Variants in OR6M1 observed in about 807,000 individuals in gnomAD.
OR6M1 encodes the protein olfactory receptor family 6 subfamily M member 1.
For synonymous variants in OR6M1, 167 were observed against 146.3 expected (o/e 1.14, Z -1.02); for missense variants, 364 against 377.8 (o/e 0.96, Z 0.30).
chr11:123,806,301 C>G lies in OR6M1; in HGVS notation c.49G>C (p.Ala17Pro), dbSNP rs1324717909. 1 of 1,613,068 alleles carries G rather than the reference C, an allele frequency of 6.2e-7. No homozygotes were observed. Among genetic ancestry groups the G allele is most frequent in the Non-Finnish European group, 8.5e-7 (1 of 1,179,826 alleles). ...VTEITLIAFP[A>P]LLEIRISLFV... ...AGAGATATTCGAATCTCCAGGAGAG[C>G]TGGGAAGGCAATTAGGGTGATTTCA... The change falls in exon 1 of 1, where the codon GCT becomes CCT. Residue 17 changes from alanine (A) to proline (P), a missense_variant. Coordinates refer to ENST00000309154, the MANE Select transcript of OR6M1 (RefSeq NM_001005325.1).
rs1185258192 is a variant in OR6M1 at position 123,806,153 on chromosome 11, A to G, written c.197T>C (p.Phe66Ser). The G allele has an allele frequency of 1.5e-5, 24 of 1,614,010 alleles. No individual in the cohort carries two copies. Among genetic ancestry groups the G allele is most frequent in the African/African-American group, 2.7e-5 (2 of 74,926 alleles). Reference sequence around the variant, plus strand: ...GACAGTGGTGTATAAGATATCCAGAAAGGACAAATTACTGAGGAAGAAGTA... The same window carrying G: ...GACAGTGGTGTATAAGATATCCAGAGAGGACAAATTACTGAGGAAGAAGTA... ...PMYFFLSNLS[F>S]LDILYTTVIT... The change falls in exon 1 of 1, where the codon TTT becomes TCT. Residue 66 changes from phenylalanine (F) to serine (S), a missense_variant. Coordinates refer to ENST00000309154, the MANE Select transcript of OR6M1 (RefSeq NM_001005325.1).
Position 123,805,444 on chromosome 11 carries a change from C to T in OR6M1, c.906G>A (p.Val302=). 6.2e-7 allele frequency: 1 copy of T among 1,612,882 alleles called. No homozygotes were observed. The highest frequency in any genetic ancestry group is 8.5e-7 in the Non-Finnish European group (1 of 1,179,458). Residue 302 remains valine, a synonymous_variant, in exon 1 of 1, where the codon GTG becomes GTA. Coordinates refer to ENST00000309154, the MANE Select transcript of OR6M1 (RefSeq NM_001005325.1). Reference sequence around the variant, plus strand: ...TTTGTATCAAGGTCATGATTCTGTTCACTGTCTCTCTCAACACTTCCTGTA... The same window carrying T: ...TTTGTATCAAGGTCATGATTCTGTTTACTGTCTCTCTCAACACTTCCTGTA... ...EKVQEVLRET[V]NRIMTLIQRK... is the part of the protein sequence containing the mutation.
Position 123,805,784 on chromosome 11 carries a change from G to A in OR6M1, c.566C>T (p.Thr189Ile), listed in dbSNP as rs201533833. The A allele has an allele frequency of 3.1e-6, 5 of 1,614,010 alleles. No homozygotes were observed. Among genetic ancestry groups the A allele is most frequent in the Non-Finnish European group, 4.2e-6 (5 of 1,179,932 alleles). ...APLLQVACINTHLIEKINFLL... is the reference protein window; with the variant it reads ...APLLQVACINIHLIEKINFLL... Reference sequence around the variant, plus strand: ...AAAGTTTATCTTCTCAATGAGGTGAGTATTTATACAGGCCACCTGAAGAAG... The same window carrying A: ...AAAGTTTATCTTCTCAATGAGGTGAATATTTATACAGGCCACCTGAAGAAG... Residue 189 changes from threonine to isoleucine, a missense_variant, in exon 1 of 1, where the codon ACT becomes ATT. Thr to Ile is a moderately conservative substitution (Grantham distance 89). Transcript: ENST00000309154.
At position 123,806,318 on chromosome 11, in the gene OR6M1, G is replaced by T; in HGVS notation, c.32C>A (p.Thr11Asn). The change falls in exon 1 of 1, where the codon ACC (threonine) becomes AAC (asparagine). Residue 11 changes from threonine (T) to asparagine (N), a missense_variant. Transcript: ENST00000309154. Reference sequence around the variant, plus strand: ...CAGGAGAGCTGGGAAGGCAATTAGGGTGATTTCAGTCACAGTGCTCCAGTT... The same window carrying T: ...CAGGAGAGCTGGGAAGGCAATTAGGTTGATTTCAGTCACAGTGCTCCAGTT... MGNWSTVTEI[T>N]LIAFPALLEI... is the part of the protein sequence containing the mutation. The T allele has an allele frequency of 6.2e-7, 1 of 1,611,592 alleles. No homozygotes were observed.
Position 123,805,537 on chromosome 11 carries a change from G to T in OR6M1, c.813C>A (p.Ala271=). 1 of 1,613,938 alleles carries T rather than the reference G, an allele frequency of 6.2e-7. No individual in the cohort carries two copies. The change falls in exon 1 of 1, where the codon GCC becomes GCA. Residue 271 remains alanine, a synonymous_variant. Transcript: ENST00000309154. ...GGGTCACCACTGTGATGAGGACAGC[G>T]GCCACCTTGTCATAATCCAGTGAGG... ...QNSSLDYDKV[A]AVLITVVTPL... is the part of the protein sequence containing the mutation.
Position 123,805,988 on chromosome 11 carries a change from T to C in OR6M1, c.362A>G (p.Tyr121Cys), listed in dbSNP as rs548580560. 12 of 1,613,940 alleles carry C rather than the reference T, an allele frequency of 7.4e-6. No homozygotes were observed. In the African/African-American group the frequency reaches 1.5e-4, roughly 20 times the overall value. ...GTGCAGTGGGTCGCAGATAGCCATG[T>C]AGCGGTCAAAGGACATCACCGCCAA... ...ILLAVMSFDRYMAICDPLHYT... is the reference protein window; with the variant it reads ...ILLAVMSFDRCMAICDPLHYT... The change falls in exon 1 of 1, where the codon TAC becomes TGC. Residue 121 changes from tyrosine (Y) to cysteine (C), a missense_variant. By Grantham distance (194) the Tyr-to-Cys change is radical. Coordinates refer to ENST00000309154, the MANE Select transcript of OR6M1 (RefSeq NM_001005325.1).
rs372384298 is a variant in OR6M1 at position 123,805,884 on chromosome 11, A to G, written c.466T>C (p.Phe156Leu). 1 of 1,613,990 alleles carries G rather than the reference A, an allele frequency of 6.2e-7. No homozygotes were observed. Among genetic ancestry groups the G allele is most frequent in the South Asian group, 1.1e-5 (1 of 91,060 alleles). ...CWVGAFLSVL[F>L]PTIVVTRLPY... The stretch of plus-strand genomic sequence containing the variant: ...AGCCTTGTCACTACAATGGTTGGAA[A>G]CAACACAGACAGGAAGGCTCCCACC... The change falls in exon 1 of 1, where the codon TTT becomes CTT. Residue 156 changes from phenylalanine to leucine, a missense_variant. By Grantham distance (22) the Phe-to-Leu change is conservative. Transcript: ENST00000309154.
Position 123,806,332 on chromosome 11 carries a change from A to C in OR6M1, c.18T>G (p.Thr6=). The C allele has an allele frequency of 6.2e-7, 1 of 1,608,350 alleles. No homozygotes were observed. The change falls in exon 1 of 1, where the codon ACT becomes ACG. Residue 6 remains threonine, a synonymous_variant. Transcript: ENST00000309154. ...AGGCAATTAGGGTGATTTCAGTCAC[A>C]GTGCTCCAGTTTCCCATGACAACTA... MGNWS[T]VTEITLIAFP... is the part of the protein sequence containing the mutation.
chr11:123,806,036 A>G lies in OR6M1; in HGVS notation c.314T>C (p.Leu105Pro). ...CAAGAGGATAAACTCCACCGTCCCC[A>G]GAAAGAAGTAGAAATATGTTTGGAT... ...CMIQTYFYFF[L>P]GTVEFILLAV... Residue 105 changes from leucine (L) to proline (P), a missense_variant, in exon 1 of 1, where the codon CTG becomes CCG. Coordinates refer to ENST00000309154, the MANE Select transcript of OR6M1 (RefSeq NM_001005325.1). The G allele has an allele frequency of 6.2e-7, 1 of 1,614,088 alleles. No individual in the cohort carries two copies. The highest frequency in any genetic ancestry group is 2.2e-5 in the East Asian group (1 of 44,868).
chr11:123,805,681 C>A lies in OR6M1; in HGVS notation c.669G>T (p.Leu223=). The A allele has an allele frequency of 6.2e-7, 1 of 1,613,918 alleles. No homozygotes were observed. Among genetic ancestry groups the A allele is most frequent in the South Asian group, 1.1e-5 (1 of 91,078 alleles). ...GACGGCCCTGGGTGGAGGGGATACGCAGGATGGTAGAAATTATGTACACGT... is the reference window on the plus strand; with the variant it reads ...GACGGCCCTGGGTGGAGGGGATACGAAGGATGGTAGAAATTATGTACACGT... ...GSYVYIISTI[L]RIPSTQGRQK... The change falls in exon 1 of 1, where the codon CTG becomes CTT. Residue 223 remains leucine, a synonymous_variant. Transcript: ENST00000309154.
At position 123,805,469 on chromosome 11, in the gene OR6M1, A is replaced by G. The variant is rs1445664731; in HGVS notation, c.881T>C (p.Val294Ala). ...PFIYSLRNEKVQEVLRETVNR... is the reference protein window; with the variant it reads ...PFIYSLRNEKAQEVLRETVNR... ...CACTGTCTCTCTCAACACTTCCTGTACCTTCTCATTCCTCAAGCTGTAGAT... is the reference window on the plus strand; with the variant it reads ...CACTGTCTCTCTCAACACTTCCTGTGCCTTCTCATTCCTCAAGCTGTAGAT... The change falls in exon 1 of 1, where the codon GTA becomes GCA. Residue 294 changes from valine (V) to alanine (A), a missense_variant. Physicochemically the swap from Val to Ala is moderately conservative, Grantham distance 64. Coordinates refer to ENST00000309154, the MANE Select transcript of OR6M1 (RefSeq NM_001005325.1). The G allele has an allele frequency of 1.2e-6, 2 of 1,613,878 alleles. No homozygotes were observed. The highest frequency in any genetic ancestry group is 1.7e-6 in the Non-Finnish European group (2 of 1,179,942).
In OR6M1 at chr11:123,806,261, A is replaced by G. The variant is rs1418467316; in HGVS notation, c.89T>C (p.Val30Ala). The change falls in exon 1 of 1, where the codon GTG (valine) becomes GCG (alanine). Residue 30 changes from valine to alanine, a missense_variant. Transcript: ENST00000309154. The stretch of plus-strand genomic sequence containing the variant: ...TGTTGCTGTTAATGTGTAAGTTACC[A>G]CAAGAACCACGAAGAGAGATATTCG... ...EIRISLFVVL[V>A]VTYTLTATGN... The G allele has an allele frequency of 6.2e-7, 1 of 1,614,058 alleles. No individual in the cohort carries two copies. Among genetic ancestry groups the G allele is most frequent in the East Asian group, 2.2e-5 (1 of 44,880 alleles).
In OR6M1 at chr11:123,806,082, T is replaced by C. The variant is rs199501851; in HGVS notation, c.268A>G (p.Ile90Val). The C allele has an allele frequency of 1.9e-5, 31 of 1,614,026 alleles. 1 individual carries two copies. Among genetic ancestry groups the C allele is most frequent in the South Asian group, 1.5e-4 (14 of 91,084 alleles). Residue 90 changes from isoleucine (I) to valine (V), a missense_variant, in exon 1 of 1, where the codon ATA becomes GTA. By Grantham distance (29) the Ile-to-Val change is conservative. Coordinates refer to ENST00000309154, the MANE Select transcript of OR6M1 (RefSeq NM_001005325.1). ...TGGATCATGCAACCAGCAAAAGATATGGTTTTCTCTTCTCCTAGGAGGCAG... is the reference window on the plus strand; with the variant it reads ...TGGATCATGCAACCAGCAAAAGATACGGTTTTCTCTTCTCCTAGGAGGCAG... ...LACLLGEEKT[I>V]SFAGCMIQTY...
rs765578470 is a variant in OR6M1, at chr11:123,805,859, A to G, written c.491T>C (p.Leu164Pro). The part of the protein sequence containing the change: ...VLFPTIVVTR[L>P]PYCRKEINHF... The stretch of plus-strand genomic sequence containing the variant: ...ATTAATTTCTTTCCTACAGTAAGGT[A>G]GCCTTGTCACTACAATGGTTGGAAA... The change falls in exon 1 of 1, where the codon CTA becomes CCA. Residue 164 changes from leucine to proline, a missense_variant. Coordinates refer to ENST00000309154, the MANE Select transcript of OR6M1 (RefSeq NM_001005325.1). 2.5e-6 allele frequency: 4 copies of G among 1,613,928 alleles called. No individual in the cohort carries two copies. The Admixed American group carries it at 6.7e-5, about 27-fold the overall frequency.
In OR6M1 at chr11:123,805,525, G is replaced by A. The variant is rs1385740546; in HGVS notation, c.825C>T (p.Ile275=). Residue 275 remains isoleucine, a synonymous_variant, in exon 1 of 1, where the codon ATC becomes ATT. Coordinates refer to ENST00000309154, the MANE Select transcript of OR6M1 (RefSeq NM_001005325.1). The part of the protein sequence containing the change: ...LDYDKVAAVL[I]TVVTPLLNPF... ...GGTTCAGGAGAGGGGTCACCACTGT[G>A]ATGAGGACAGCGGCCACCTTGTCAT... The A allele has an allele frequency of 1.2e-6, 2 of 1,614,006 alleles. No homozygotes were observed. Among genetic ancestry groups the A allele is most frequent in the Non-Finnish European group, 1.7e-6 (2 of 1,179,938 alleles).
chr11:123,805,662 C>A lies in OR6M1; in HGVS notation c.688G>T (p.Gly230Cys), dbSNP rs1375851262. Reference sequence around the variant, plus strand: ...CAGGTAGAAAAAGCTTTCTGACGGCCCTGGGTGGAGGGGATACGCAGGATG... The same window carrying A: ...CAGGTAGAAAAAGCTTTCTGACGGCACTGGGTGGAGGGGATACGCAGGATG... ...STILRIPSTQ[G>C]RQKAFSTCAS... is the part of the protein sequence containing the mutation. Residue 230 changes from glycine to cysteine, a missense_variant, in exon 1 of 1, where the codon GGC (glycine) becomes TGC (cysteine). By Grantham distance (159) the Gly-to-Cys change is radical (BLOSUM62 -3). Coordinates refer to ENST00000309154, the MANE Select transcript of OR6M1 (RefSeq NM_001005325.1). 6.2e-7 allele frequency: 1 copy of A among 1,613,858 alleles called. No homozygotes were observed.
At position 123,806,338 on chromosome 11, in the gene OR6M1, C is replaced by A; in HGVS notation, c.12G>T (p.Trp4Cys). The A allele has an allele frequency of 6.2e-7, 1 of 1,606,002 alleles. No homozygotes were observed. Among genetic ancestry groups the A allele is most frequent in the African/African-American group, 1.3e-5 (1 of 74,928 alleles). The stretch of plus-strand genomic sequence containing the variant: ...TTAGGGTGATTTCAGTCACAGTGCT[C>A]CAGTTTCCCATGACAACTACTATAT... Reference protein sequence around the residue: MGNWSTVTEITLIA... With the variant: MGNCSTVTEITLIA... The change falls in exon 1 of 1, where the codon TGG becomes TGT. Residue 4 changes from tryptophan (W) to cysteine (C), a missense_variant. Coordinates refer to ENST00000309154, the MANE Select transcript of OR6M1 (RefSeq NM_001005325.1).
rs751873728 is a variant in OR6M1, at chr11:123,805,943, C to T, written c.407G>A (p.Ser136Asn). ...DPLHYTVIMN[S>N]RACLLLVLGC... ...CAGAACCAGCAGAAGGCAGGCCCTGCTGTTCATGATGACCGTGTAGTGCAG... is the reference window on the plus strand; with the variant it reads ...CAGAACCAGCAGAAGGCAGGCCCTGTTGTTCATGATGACCGTGTAGTGCAG... The change falls in exon 1 of 1, where the codon AGC (serine) becomes AAC (asparagine). Residue 136 changes from serine to asparagine, a missense_variant. Ser to Asn is a conservative substitution (Grantham distance 46). Transcript: ENST00000309154. 6.2e-7 allele frequency: 1 copy of T among 1,613,600 alleles called. No individual in the cohort carries two copies. The highest frequency in any genetic ancestry group is 8.5e-7 in the Non-Finnish European group (1 of 1,179,762).
Position 123,805,435 on chromosome 11 carries a change from G to A in OR6M1, c.915C>T (p.Ile305=). ...AAGTTTTCCTTTGTATCAAGGTCAT[G>A]ATTCTGTTCACTGTCTCTCTCAACA... ...QEVLRETVNR[I]MTLIQRKT is the part of the protein sequence containing the mutation. Residue 305 remains isoleucine (I), a synonymous_variant, in exon 1 of 1, where the codon ATC becomes ATT. Transcript: ENST00000309154. 6.2e-7 allele frequency: 1 copy of A among 1,611,006 alleles called. No individual in the cohort carries two copies. Among genetic ancestry groups the A allele is most frequent in the Non-Finnish European group, 8.5e-7 (1 of 1,178,518 alleles).
Sources: allele counts gnomAD v4.1 joint callset, GRCh38; gene constraint gnomAD v4.1.1; transcripts MANE v1.5; gene names NCBI Gene and HGNC (gene_info 2026-07-23, HGNC 2026-07-21).